Variants in MAGI1 observed in about 807,000 individuals in gnomAD.
The protein encoded by MAGI1 is membrane-associated guanylate kinase, WW and PDZ domain-containing protein 1.
MAGI1 carries 58 observed loss-of-function variants against 139.9 expected under a neutral mutation model. The ratio of observed to expected loss-of-function variants is 0.41; its 90% confidence interval spans 0.34 to 0.52. The LOEUF (loss-of-function observed/expected upper bound fraction) is 0.52, where lower values mean the gene tolerates loss of function less well. MAGI1 is among the 20% of genes least tolerant of loss of function. The probability of loss-of-function intolerance (pLI) is 0.12; values close to 1 mark genes in which losing one functional copy is unlikely to be tolerated. For missense variants in MAGI1, 1,874 were observed against 1,901.6 expected (o/e 0.99, Z 0.27); for synonymous variants, 812 against 737.9 (o/e 1.10, Z -1.63).
At chr3:65,955,764 A>C (rs1490191936) in intron 1 of MAGI1, among the ~76,000 whole-genome samples, 1 of 152,080 alleles carries the variant, frequency 6.6e-6, no homozygotes. Context: ...ACAACCATGG[A>C]TCTTCTACAA....
At chr3:66,037,616 C>T (rs2069008248) in intron 1 of MAGI1, among the ~76,000 whole-genome samples, 1 of 152,126 alleles carries the variant, frequency 6.6e-6, no homozygotes, top group South Asian at 2.1e-4. Context: ...TGACTCGTGG[C>T]CAAAGAACGC....
At chr3:65,950,491 CTAATTTAAAAGA>C (rs1453472440) in intron 1 of MAGI1, among the ~76,000 whole-genome samples, 2 of 152,110 alleles carry the variant, frequency 1.3e-5, no homozygotes, top group Non-Finnish European at 2.9e-5. Flanking sequence ...CCATGAAAAA[CTAATTTAAAAGA>C]TTAAAATGTG....
intron 12 of MAGI1, among the ~76,000 whole-genome samples, chr3:65,402,806 C>T (rs1667243849): frequency 6.6e-6 from 1 of 152,032 alleles, no homozygotes; most frequent in South Asian, 2.1e-4. Context: ...GATTACTCGT[C>T]GTGGGAGGCA....
intron 1 of MAGI1, among the ~76,000 whole-genome samples, chr3:65,952,731 G>A (rs917593740): frequency 8.5e-5 from 13 of 152,080 alleles, no homozygotes; most frequent in Admixed American, 2.6e-4. Context: ...GGAGAATGGC[G>A]TGAACCCAGG....
rs747632332 is a variant in MAGI1 at position 65,357,064 on chromosome 3, C to G, written c.3703G>C (p.Asp1235His). ...TCCAATGACGGATGCTGCCGGCGGT[C>G]GGGCCCGGCCCTCACTTCCGGAACA... The part of the protein sequence containing the change: ...QGVPEVRAGP[D>H]RRQHPSLESS... The change falls in exon 23 of 23, where the codon GAC becomes CAC. Residue 1235 changes from aspartate to histidine, a missense_variant. This residue lies in a region of MAGI1 where 653 missense variants were observed against 644.5 expected (regional missense o/e 1.01). Transcript: ENST00000402939. 1.2e-6 allele frequency: 2 copies of G among 1,614,046 alleles called. No homozygotes were observed. Among genetic ancestry groups the G allele is most frequent in the Non-Finnish European group, 1.7e-6 (2 of 1,180,036 alleles).
chr3:65,970,598 A>T (rs2107177914), intron 1 of MAGI1, among the ~76,000 whole-genome samples: 1 of 152,098 alleles, frequency 6.6e-6, no homozygotes, highest in East Asian at 1.9e-4. Context: ...TCTTTACAGC[A>T]TCCCTATACT....
intron 1 of MAGI1, among the ~76,000 whole-genome samples, chr3:65,915,952 T>C (rs9859925): frequency 0.017 from 2,502 of 150,572 alleles, 77 homozygotes; most frequent in African/African-American, 0.057. Context: ...GAAATACATA[T>C]ACATTTATAT....
At chr3:65,923,129 A>G (rs1178754005) in intron 1 of MAGI1, among the ~76,000 whole-genome samples, 1 of 152,044 alleles carries the variant, frequency 6.6e-6, no homozygotes, top group Non-Finnish European at 1.5e-5. Flanking sequence ...AAGATTTCTA[A>G]TTCTTCTATG....
At chr3:65,817,485 T>C (rs921697669) in intron 1 of MAGI1, among the ~76,000 whole-genome samples, 1 of 152,134 alleles carries the variant, frequency 6.6e-6, no homozygotes, top group African/African-American at 2.4e-5. Flanking sequence ...CCAATCTACA[T>C]GAAAACAAGA....
intron 1 of MAGI1, among the ~76,000 whole-genome samples, chr3:65,734,957 T>C (rs887319440): frequency 2.0e-5 from 3 of 151,898 alleles, no homozygotes; most frequent in African/African-American, 7.3e-5. Flanking sequence ...AATTATCCTA[T>C]AGATCATTAC....
chr3:65,411,254 C>T (rs997650808), intron 12 of MAGI1, among the ~76,000 whole-genome samples: 1 of 152,142 alleles, frequency 6.6e-6, no homozygotes, highest in Non-Finnish European at 1.5e-5. Context: ...TCTAAAAATG[C>T]TTCTACCTCT....
intron 1 of MAGI1, among the ~76,000 whole-genome samples, chr3:65,891,735 G>A (rs1324001949): frequency 6.5e-5 from 6 of 92,536 alleles, no homozygotes; most frequent in Non-Finnish European, 1.3e-4. Context: ...TCTGGGGCCT[G>A]TTGTGGGGTG....
At chr3:65,979,102 A>G (rs375135252) in intron 1 of MAGI1, among the ~76,000 whole-genome samples, 1 of 39,492 alleles carries the variant, frequency 2.5e-5, no homozygotes, top group Non-Finnish European at 4.8e-5. Flanking sequence ...CCCCCCCGCC[A>G]CCCCCCACAG....
chr3:65,810,756 G>A (rs1341537320), intron 1 of MAGI1, among the ~76,000 whole-genome samples: 1 of 152,182 alleles, frequency 6.6e-6, no homozygotes, highest in East Asian at 1.9e-4. Flanking sequence ...CCCTCCCCAG[G>A]TCTACTGACT....
intron 12 of MAGI1, among the ~76,000 whole-genome samples, chr3:65,407,896 A>G (rs1336452525): frequency 6.6e-6 from 1 of 152,198 alleles, no homozygotes; most frequent in Non-Finnish European, 1.5e-5. Flanking sequence ...TAGATTAAAA[A>G]ACAACTGGAG....
chr3:65,602,685 T>C (rs1049129356), intron 2 of MAGI1, among the ~76,000 whole-genome samples: 8 of 151,986 alleles, frequency 5.3e-5, no homozygotes, highest in Non-Finnish European at 1.0e-4. Context: ...AATTATGTAG[T>C]ATGGGAACTA....
At chr3:65,713,474 A>C (rs1240842193) in intron 1 of MAGI1, among the ~76,000 whole-genome samples, 1 of 152,240 alleles carries the variant, frequency 6.6e-6, no homozygotes, top group Non-Finnish European at 1.5e-5. Flanking sequence ...CTCTTTTATT[A>C]CAAAGTCCCT....
chr3:65,791,039 C>T (rs1239618820), intron 1 of MAGI1, among the ~76,000 whole-genome samples: 2 of 152,104 alleles, frequency 1.3e-5, no homozygotes, highest in African/African-American at 4.8e-5. Flanking sequence ...CGCATCACTG[C>T]ACTCCAGCCT....
At chr3:66,023,108 T>C (rs2068047719) in intron 1 of MAGI1, among the ~76,000 whole-genome samples, 2 of 152,206 alleles carry the variant, frequency 1.3e-5, no homozygotes, top group South Asian at 4.1e-4. Flanking sequence ...GATCGGGGCA[T>C]ACAGTAGTCT....
Sources: allele counts gnomAD v4.1 joint callset (sites outside exome capture counted in the v4.1 genomes callset), GRCh38; gene constraint gnomAD v4.1.1; regional missense constraint gnomAD v4.1.1; transcripts MANE v1.5; gene names NCBI Gene and HGNC (gene_info 2026-07-23, HGNC 2026-07-21).